The following MAGI2 variants were observed in gnomAD, a reference collection of about 807,000 sequenced individuals.
MAGI2 encodes membrane-associated guanylate kinase, WW and PDZ domain-containing protein 2.
A neutral mutation model predicts 133.3 loss-of-function variants in MAGI2; 35 were observed. That is an observed-to-expected ratio of 0.26 (90% CI 0.20 to 0.35). MAGI2 has a LOEUF of 0.35. Ranked by LOEUF, MAGI2 falls within the 10% of genes least tolerant of loss-of-function variation. The pLI is 1.00. For missense variants in MAGI2, 1,636 were observed against 1,863.4 expected (o/e 0.88, Z 2.25); for synonymous variants, 729 against 710.6 (o/e 1.03, Z -0.41).
chr7:78,734,892 A>T (rs911635071), intron 2 of MAGI2, among the ~76,000 whole-genome samples: 2 of 152,150 alleles, frequency 1.3e-5, no homozygotes, highest in African/African-American at 4.8e-5. Flanking sequence ...AGTTCAGTGA[A>T]CCCTGCACAC....
In MAGI2 at chr7:78,339,123, C is replaced by T. The variant is rs1199735378; in HGVS notation, c.1408+4655G>A. ...ACGTGTTTATGGGCCTGTGGCCCCT[C>T]CTAGATGTGAACTCCTTGAGAAACA... On this transcript the variant is annotated intron_variant, in intron 9 of 21. Transcript: ENST00000354212. Among the ~76,000 whole-genome samples the T allele has an allele frequency of 3.9e-5, 6 of 152,228 alleles. No individual in the cohort carries two copies. The East Asian group carries it at 1.2e-3, about 29-fold the overall frequency.
At chr7:78,057,663 CA>C (rs1200182842) in intron 21 of MAGI2, among the ~76,000 whole-genome samples, 6 of 152,058 alleles carry the variant, frequency 3.9e-5, no homozygotes, top group African/African-American at 1.4e-4. Flanking sequence ...AACCATAGCA[CA>C]ACTTGGGGTT....
intron 10 of MAGI2, among the ~76,000 whole-genome samples, chr7:78,237,345 G>C (rs909650289): frequency 1.3e-5 from 2 of 152,102 alleles, no homozygotes; most frequent in African/African-American, 4.8e-5. Context: ...ACATGTGCAG[G>C]TTTGTCATAT....
chr7:78,941,747 C>CACACAT (rs1408984254), intron 2 of MAGI2, among the ~76,000 whole-genome samples: 1 of 151,358 alleles, frequency 6.6e-6, no homozygotes, highest in East Asian at 1.9e-4. Context: ...CACACACACA[C>CACACAT]ACACACACAC....
intron 1 of MAGI2, among the ~76,000 whole-genome samples, chr7:79,280,926 GAAAAAAAAAAAAAAAAAA>G (rs71095390): frequency 5.0e-4 from 18 of 35,790 alleles, no homozygotes; most frequent in African/African-American, 7.9e-4. Flanking sequence ...CTCTGTCTCT[GAAAAAAAAAAAAAAAAAA>G]AAAAAAAAAA....
intron 21 of MAGI2, among the ~76,000 whole-genome samples, chr7:78,049,817 C>T (rs1450102216): frequency 6.6e-6 from 1 of 152,132 alleles, no homozygotes; most frequent in African/African-American, 2.4e-5. Context: ...TAAAACATTG[C>T]AGAGATGTTG....
intron 2 of MAGI2, among the ~76,000 whole-genome samples, chr7:78,853,824 G>A (rs1031609034): frequency 1.3e-5 from 2 of 151,962 alleles, no homozygotes; most frequent in Admixed American, 1.3e-4. Flanking sequence ...AACAGCCCTG[G>A]TGGAAGAGTT....
chr7:78,797,167 T>G (rs1486634709), intron 2 of MAGI2, among the ~76,000 whole-genome samples: 1 of 152,060 alleles, frequency 6.6e-6, no homozygotes, highest in African/African-American at 2.4e-5. Flanking sequence ...AGATACATGT[T>G]TGAGATGATG....
At chr7:79,273,312 G>A (rs1258881914) in intron 1 of MAGI2, among the ~76,000 whole-genome samples, 1 of 152,026 alleles carries the variant, frequency 6.6e-6, no homozygotes, top group African/African-American at 2.4e-5. Flanking sequence ...AATTAGTACT[G>A]AATCTCTAAT....
intron 1 of MAGI2, among the ~76,000 whole-genome samples, chr7:79,361,723 TA>T (rs1238108724): frequency 1.3e-5 from 2 of 152,152 alleles, no homozygotes; most frequent in Non-Finnish European, 2.9e-5. Flanking sequence ...TTTAAAAAAT[TA>T]AAATCATATA....
chr7:78,230,155 C>T (rs1789818441), intron 10 of MAGI2, among the ~76,000 whole-genome samples: 1 of 152,230 alleles, frequency 6.6e-6, no homozygotes, highest in South Asian at 2.1e-4. Flanking sequence ...CTCATCATGC[C>T]TGATAAGGCA....
intron 10 of MAGI2, among the ~76,000 whole-genome samples, chr7:78,209,343 G>A (rs1306125884): frequency 7.1e-6 from 1 of 141,658 alleles, no homozygotes; most frequent in African/African-American, 2.6e-5. Flanking sequence ...CTCACTGCAA[G>A]CTCCGCCTTA....
chr7:78,922,517 T>A (rs1799341949), intron 2 of MAGI2, among the ~76,000 whole-genome samples: 1 of 151,982 alleles, frequency 6.6e-6, no homozygotes, highest in East Asian at 1.9e-4. Flanking sequence ...ACAAAGGACA[T>A]GAACTCATCA....
intron 1 of MAGI2, among the ~76,000 whole-genome samples, chr7:79,110,101 G>A (rs1020302182): frequency 1.3e-5 from 2 of 151,512 alleles, no homozygotes; most frequent in Admixed American, 1.3e-4. Context: ...AAGTCTGTAG[G>A]AGAGCAAGAG....
intron 1 of MAGI2, among the ~76,000 whole-genome samples, chr7:79,101,216 A>G (rs978901785): frequency 1.3e-5 from 2 of 152,180 alleles, no homozygotes; most frequent in Non-Finnish European, 2.9e-5. Flanking sequence ...AAACTCAAGT[A>G]TATGCCTTAC....
At chr7:79,062,203 C>A (rs1444639178) in intron 1 of MAGI2, among the ~76,000 whole-genome samples, 1 of 152,082 alleles carries the variant, frequency 6.6e-6, no homozygotes, top group Non-Finnish European at 1.5e-5. Flanking sequence ...ACAGCCCATA[C>A]CTACGTCCAT....
chr7:78,144,959 C>G (rs1235148185), intron 16 of MAGI2, among the ~76,000 whole-genome samples: 1 of 152,068 alleles, frequency 6.6e-6, no homozygotes, highest in Non-Finnish European at 1.5e-5. Context: ...TCCACTCCCA[C>G]TTATGAGTGA....
intron 2 of MAGI2, chr7:79,000,362 C>T (rs1005585089): frequency 2.6e-5 from 4 of 152,124 alleles, no homozygotes; most frequent in Non-Finnish European, 4.4e-5. Context: ...TAATTAGATT[C>T]ATTCATATCC....
At chr7:78,550,199 C>G (rs915642721) in intron 3 of MAGI2, among the ~76,000 whole-genome samples, 8 of 152,194 alleles carry the variant, frequency 5.3e-5, no homozygotes, top group African/African-American at 1.9e-4. Flanking sequence ...ACTCAGTTTA[C>G]AGTATTTTGT....
Sources: allele counts gnomAD v4.1 joint callset (sites outside exome capture counted in the v4.1 genomes callset), GRCh38; gene constraint gnomAD v4.1.1; transcripts MANE v1.5; gene names NCBI Gene and HGNC (gene_info 2026-07-23, HGNC 2026-07-21).